SLC25A48: variants seen among roughly 807,000 people sequenced by gnomAD.
SLC25A48 encodes the protein solute carrier family 25 member 48.
In SLC25A48, 29 loss-of-function variants were observed where a neutral mutation model predicts 32.2. That is an observed-to-expected ratio of 0.90 (90% confidence interval 0.67 to 1.23). SLC25A48 has a LOEUF of 1.23. Ranked by LOEUF, SLC25A48 falls within the 50% of genes most tolerant of loss-of-function variation. The probability of loss-of-function intolerance (pLI) is 0.00; values close to 1 mark genes in which losing one functional copy is unlikely to be tolerated. For missense variants in SLC25A48, 399 were observed against 422.7 expected, an observed-to-expected ratio of 0.94 and a Z score of 0.49; for synonymous variants, 164 against 172.3, an observed-to-expected ratio of 0.95 and a Z score of 0.38.
chr5:135,812,966 T>C (rs3930698), intron 4 of SLC25A48: 53,619 of 152,276 alleles, frequency 0.35, 9,556 homozygotes, highest in East Asian at 0.44. Context: ...CGGCTGCTTC[T>C]GGGGGAACTG....
At chr5:135,690,549 T>C (rs1754120881) in intron 3 of SLC25A48, among the ~76,000 whole-genome samples, 1 of 152,236 alleles carries the variant, frequency 6.6e-6, no homozygotes, top group Non-Finnish European at 1.5e-5. Context: ...GTTTAGCTAC[T>C]GCTCTGCTAT....
intron 3 of SLC25A48, among the ~76,000 whole-genome samples, chr5:135,757,442 TTTATGA>T (rs945066138): frequency 6.0e-5 from 9 of 149,344 alleles, no homozygotes; most frequent in Non-Finnish European, 1.2e-4. Context: ...CATCTATATA[TTTATGA>T]TGTCTAGTGT....
intron 3 of SLC25A48, among the ~76,000 whole-genome samples, chr5:135,771,032 A>G (rs1580860511): frequency 6.6e-6 from 1 of 151,724 alleles, no homozygotes; most frequent in Non-Finnish European, 1.5e-5. Context: ...CAGAGTAAAT[A>G]CCCCCTGCGA....
At chr5:135,861,610 A>G (rs1420569829) in intron 4 of SLC25A48, among the ~76,000 whole-genome samples, 1 of 152,260 alleles carries the variant, frequency 6.6e-6, no homozygotes, top group Admixed American at 6.5e-5. Context: ...TGTATTATTT[A>G]ACAATCTTCC....
At chr5:135,753,556 A>G (rs1294556413) in intron 3 of SLC25A48, among the ~76,000 whole-genome samples, 1 of 151,890 alleles carries the variant, frequency 6.6e-6, no homozygotes, top group Non-Finnish European at 1.5e-5. Flanking sequence ...CAAGGTGTGC[A>G]CCTTTGGTGA....
intron 3 of SLC25A48, among the ~76,000 whole-genome samples, chr5:135,721,192 CTTTTT>C (rs757412641): frequency 5.4e-4 from 29 of 53,872 alleles, no homozygotes; most frequent in Non-Finnish European, 9.7e-4. Context: ...CATGCCTGGC[CTTTTT>C]TTTTTTTTTT....
At chr5:135,877,085 C>T (rs564357061) in intron 6 of SLC25A48, among the ~76,000 whole-genome samples, 20 of 152,218 alleles carry the variant, frequency 1.3e-4, no homozygotes, top group Non-Finnish European at 2.4e-4. Flanking sequence ...TCTTTGTAAC[C>T]AACTTAGGAA....
At chr5:135,799,571 T>C (rs1757271601) in intron 3 of SLC25A48, among the ~76,000 whole-genome samples, 1 of 151,486 alleles carries the variant, frequency 6.6e-6, no homozygotes, top group Admixed American at 6.6e-5. Flanking sequence ...ATTCCTAATA[T>C]CCAGGTGGGG....
intron 3 of SLC25A48, among the ~76,000 whole-genome samples, chr5:135,713,966 G>A (rs1229382639): frequency 6.6e-6 from 1 of 152,252 alleles, no homozygotes; most frequent in African/African-American, 2.4e-5. Context: ...TCCCCTGCGA[G>A]TGAAAGGAAG....
At chr5:135,714,520 C>G (rs989445721) in intron 3 of SLC25A48, among the ~76,000 whole-genome samples, 1 of 152,228 alleles carries the variant, frequency 6.6e-6, no homozygotes, top group African/African-American at 2.4e-5. Context: ...AGCAGTGAGG[C>G]TGCTCAGGGC....
At chr5:135,645,122 G>A (rs56084341) in intron 3 of SLC25A48, among the ~76,000 whole-genome samples, 3,019 of 152,282 alleles carry the variant, frequency 0.02, 49 homozygotes, top group Non-Finnish European at 0.027. Flanking sequence ...ATTAAATGGC[G>A]TACGGGAGCG....
intron 1 of SLC25A48, among the ~76,000 whole-genome samples, chr5:135,595,398 T>A (rs1751625309): frequency 6.6e-6 from 1 of 152,070 alleles, no homozygotes; most frequent in African/African-American, 2.4e-5. Context: ...ATTGGAAGGT[T>A]ATTGATGGAC....
At chr5:135,809,759 C>T (rs1757552029) in intron 3 of SLC25A48, among the ~76,000 whole-genome samples, 1 of 152,210 alleles carries the variant, frequency 6.6e-6, no homozygotes, top group East Asian at 1.9e-4. Context: ...AGCCTAGCTG[C>T]TTCCACATAG....
At chr5:135,600,387 G>A (rs1751766458) in intron 1 of SLC25A48, among the ~76,000 whole-genome samples, 1 of 152,164 alleles carries the variant, frequency 6.6e-6, no homozygotes, top group South Asian at 2.1e-4. Context: ...CTGAAGTGCT[G>A]GAGTCCTTTG....
chr5:135,728,060 C>T (rs139168032), intron 3 of SLC25A48, among the ~76,000 whole-genome samples: 1,619 of 152,120 alleles, frequency 0.011, 27 homozygotes, highest in African/African-American at 0.037. Flanking sequence ...GTTTTGAGAC[C>T]AGCCTGGCCA....
chr5:135,762,399 G>A (rs1561480549), intron 3 of SLC25A48, among the ~76,000 whole-genome samples: 1 of 152,224 alleles, frequency 6.6e-6, no homozygotes, highest in Non-Finnish European at 1.5e-5. Context: ...CAGAGGGCAA[G>A]AGGGAGATTT....
At chr5:135,628,522 TCCA>T (rs887815537) in intron 1 of SLC25A48, among the ~76,000 whole-genome samples, 1 of 152,134 alleles carries the variant, frequency 6.6e-6, no homozygotes, top group Admixed American at 6.5e-5. Flanking sequence ...AAGTTTGGGT[TCCA>T]GAGGTCTTCT....
chr5:135,685,980 C>T (rs11242259), intron 3 of SLC25A48, among the ~76,000 whole-genome samples: 109,184 of 152,126 alleles, frequency 0.72, 40,257 homozygotes, highest in Middle Eastern at 0.82. Flanking sequence ...TCTTCTGTCT[C>T]TCAAGGTGAC....
chr5:135,789,554 G>A (rs1378346321), intron 3 of SLC25A48, among the ~76,000 whole-genome samples: 3 of 151,710 alleles, frequency 2.0e-5, no homozygotes, highest in African/African-American at 7.3e-5. Flanking sequence ...CATGTTGCTG[G>A]GGGTGTACAA....
Sources: allele counts gnomAD v4.1 joint callset (sites outside exome capture counted in the v4.1 genomes callset), GRCh38; gene constraint gnomAD v4.1.1; transcripts MANE v1.5; gene names NCBI Gene and HGNC (gene_info 2026-07-23, HGNC 2026-07-21).